The following SH3GL3 variants were observed in gnomAD, a reference collection of about 807,000 sequenced individuals.
SH3GL3 encodes SH3 domain containing GRB2 like 3, endophilin A3.
SH3GL3 carries 33 observed loss-of-function variants against 47.7 expected under a neutral mutation model. That is an observed-to-expected ratio of 0.69 (90% CI 0.52 to 0.92). The LOEUF is 0.92. SH3GL3 is among the 40% of genes least tolerant of loss of function. The probability of loss-of-function intolerance (pLI) is 0.00; values close to 1 mark genes in which losing one functional copy is unlikely to be tolerated. For synonymous variants in SH3GL3, 155 were observed against 148.8 expected, an observed-to-expected ratio of 1.04 and a Z score of -0.30; for missense variants, 363 against 417.8, an observed-to-expected ratio of 0.87 and a Z score of 1.14.
chr15:83,599,483 T>C (rs992317689), intron 8 of SH3GL3, among the ~76,000 whole-genome samples: 2 of 152,230 alleles, frequency 1.3e-5, no homozygotes, highest in Non-Finnish European at 2.9e-5. Flanking sequence ...TCACTTAGAA[T>C]AATAGTCTCC....
At chr15:83,620,564 C>A (rs1404459936), downstream of SH3GL3, among the ~76,000 whole-genome samples, 1 of 152,180 alleles carries the variant, frequency 6.6e-6, no homozygotes, top group Non-Finnish European at 1.5e-5. Flanking sequence ...TGAAAGGAAT[C>A]TTTTTCTCTG....
intron 5 of SH3GL3, among the ~76,000 whole-genome samples, chr15:83,574,905 G>A (rs923121000): frequency 6.6e-6 from 1 of 152,174 alleles, no homozygotes; most frequent in African/African-American, 2.4e-5. Flanking sequence ...GACTTCGTGG[G>A]GTATCCCTTC....
At chr15:83,601,447 A>AGATGAT (rs1193016003) in intron 8 of SH3GL3, among the ~76,000 whole-genome samples, 7 of 152,128 alleles carry the variant, frequency 4.6e-5, no homozygotes, top group African/African-American at 1.7e-4. Flanking sequence ...GTGTCTATTG[A>AGATGAT]GATGATCGTG....
At chr15:83,585,459 A>G (rs1330339317) in intron 6 of SH3GL3, among the ~76,000 whole-genome samples, 2 of 152,230 alleles carry the variant, frequency 1.3e-5, no homozygotes, top group South Asian at 2.1e-4. Context: ...GTGGGTAATA[A>G]GACAGGGCAA....
At chr15:83,618,032 A>T in intron 8 of SH3GL3, 50 bp from the exon 9 acceptor site, 1 of 1,224,212 alleles carries the variant, frequency 8.2e-7, no homozygotes, top group East Asian at 2.3e-5. Context: ...TTTCCCATGG[A>T]TAATCCATCA....
chr15:83,518,241 T>C (rs2043066751), intron 1 of SH3GL3, among the ~76,000 whole-genome samples: 2 of 152,240 alleles, frequency 1.3e-5, no homozygotes, highest in Non-Finnish European at 2.9e-5. Context: ...TATTTTCCTT[T>C]GGGTATATGC....
At chr15:83,515,013 A>G (rs1172477352) in intron 1 of SH3GL3, among the ~76,000 whole-genome samples, 1 of 152,126 alleles carries the variant, frequency 6.6e-6, no homozygotes, top group Non-Finnish European at 1.5e-5. Context: ...TAGAAAAGGC[A>G]AGGACACGGA....
At chr15:83,566,346 C>CAGAGAG (rs147698292) in intron 3 of SH3GL3, among the ~76,000 whole-genome samples, 2,101 of 134,248 alleles carry the variant, frequency 0.016, 31 homozygotes, top group Admixed American at 0.022. Context: ...GAAAGATGGG[C>CAGAGAG]AGAGAGAGAG....
chr15:83,588,612 G>A, intron 7 of SH3GL3, 50 bp from the exon 8 acceptor site: 1 of 1,169,960 alleles, frequency 8.5e-7, no homozygotes. Context: ...TGTGTGTTTG[G>A]AAAGCTTTCA....
Position 83,447,641 on chromosome 15 carries a change from C to G in SH3GL3, c.45+63C>G. The G allele has an allele frequency of 7.8e-7, 1 of 1,275,170 alleles. No homozygotes were observed. The highest frequency in any genetic ancestry group is 1.1e-6 in the Non-Finnish European group (1 of 942,504). The allele number at this position is 1,275,170 out of a possible 1,614,324, so 79.0% of individuals were successfully genotyped here. ...GCGGAGGCTGCGGCCCCCCGAGGCT[C>G]CCGGGCCTTTGGGACTCCTGTTCCC... is the stretch of plus-strand genomic sequence containing the variant. On this transcript the variant is annotated intron_variant, in intron 1 of 8. Transcript: ENST00000427482. The surrounding 1 kb of genome is among the most constrained non-coding windows in gnomAD (Gnocchi z 5.1).
intron 1 of SH3GL3, among the ~76,000 whole-genome samples, chr15:83,513,207 T>G (rs2042841911): frequency 6.6e-6 from 1 of 152,226 alleles, no homozygotes; most frequent in Non-Finnish European, 1.5e-5. Context: ...TTTGAGAAGT[T>G]TTTTAATCGA....
At chr15:83,606,114 A>G (rs2060509373) in intron 8 of SH3GL3, among the ~76,000 whole-genome samples, 2 of 152,124 alleles carry the variant, frequency 1.3e-5, no homozygotes, top group Non-Finnish European at 2.9e-5. Context: ...AAGGGTTAAT[A>G]TGCCCCAAAC....
At chr15:83,554,079 G>A (rs138533932) in intron 1 of SH3GL3, among the ~76,000 whole-genome samples, 4,568 of 149,120 alleles carry the variant, frequency 0.031, 238 homozygotes, top group African/African-American at 0.1. Flanking sequence ...GAGTGCGGTG[G>A]TGTGATCTCA....
intron 1 of SH3GL3, among the ~76,000 whole-genome samples, chr15:83,515,261 T>C (rs1403750020): frequency 6.6e-6 from 1 of 152,220 alleles, no homozygotes; most frequent in Non-Finnish European, 1.5e-5. Flanking sequence ...TTCTGGATTA[T>C]TGTCATTAGC....
At chr15:83,543,368 A>G (rs886514238) in intron 1 of SH3GL3, among the ~76,000 whole-genome samples, 15 of 151,934 alleles carry the variant, frequency 9.9e-5, no homozygotes, top group African/African-American at 3.4e-4. Flanking sequence ...TGTGTTGCCA[A>G]ATTCAGTTTG....
rs1008509643 is a variant in SH3GL3 at position 83,577,103 on chromosome 15, G to T, written c.624+362G>T. Among the ~76,000 whole-genome samples, 5 of 151,756 alleles carry T rather than the reference G, an allele frequency of 3.3e-5. 1 individual carries two copies. Among genetic ancestry groups the T allele is most frequent in the Admixed American group, 6.6e-5 (1 of 15,254 alleles). ...TTTTTGTATTTTTAGTAGAGATAGG[G>T]TTTCACCATGTTGGCCAGGAGGGTC... On this transcript the variant is annotated intron_variant, in intron 6 of 8. Transcript: ENST00000427482.
chr15:83,567,967 T>G (rs938809602), intron 3 of SH3GL3, among the ~76,000 whole-genome samples: 1 of 151,090 alleles, frequency 6.6e-6, no homozygotes, highest in Non-Finnish European at 1.5e-5. Context: ...CTTTTTTTTT[T>G]TCTTTCTTTC....
At chr15:83,614,098 C>T (rs1010982688) in intron 8 of SH3GL3, among the ~76,000 whole-genome samples, 1 of 152,102 alleles carries the variant, frequency 6.6e-6, no homozygotes, top group Non-Finnish European at 1.5e-5. Flanking sequence ...CTCAGGTTGC[C>T]CTTGGTTTTC....
chr15:83,538,196 G>A (rs1388410401), intron 1 of SH3GL3, among the ~76,000 whole-genome samples: 1 of 152,108 alleles, frequency 6.6e-6, no homozygotes, highest in East Asian at 1.9e-4. Flanking sequence ...ACTTCCAGAT[G>A]CGGATTGTCA....
Sources: allele counts gnomAD v4.1 joint callset (sites outside exome capture counted in the v4.1 genomes callset), GRCh38; gene constraint gnomAD v4.1.1; non-coding constraint Gnocchi (gnomAD v3.1); transcripts MANE v1.5; gene names NCBI Gene and HGNC (gene_info 2026-07-23, HGNC 2026-07-21).